The following RBFOX3 variants were observed in gnomAD, a reference collection of about 807,000 sequenced individuals.
RBFOX3 encodes RNA binding protein fox-1 homolog 3.
Under a neutral mutation model 48.7 loss-of-function variants are expected in RBFOX3, and 17 were observed. The observed-to-expected ratio is 0.35, with a 90% CI of 0.24 to 0.52. The LOEUF (loss-of-function observed/expected upper bound fraction) is 0.52. RBFOX3 is among the 20% of genes least tolerant of loss of function. The pLI is 0.94. For synonymous variants in RBFOX3, 212 were observed against 209.5 expected (o/e 1.01, Z -0.10); for missense variants, 382 against 497.5 (o/e 0.77, Z 2.21).
intron 2 of RBFOX3, among the ~76,000 whole-genome samples, chr17:79,384,521 G>A (rs2060326442): frequency 6.6e-6 from 1 of 152,208 alleles, no homozygotes. Flanking sequence ...GCCCCTCTCT[G>A]TGGTATCTGC....
At position 79,390,104 on chromosome 17, in the gene RBFOX3, T is replaced by C. The variant is rs1015590740; in HGVS notation, c.-174-82280A>G. On this transcript the variant is annotated intron_variant, in intron 2 of 14. Transcript: ENST00000693108. This position sits in a 1 kb window ranked among gnomAD's most constrained non-coding sequence, Gnocchi z 4.2. The stretch of plus-strand genomic sequence containing the variant: ...GGTCTCCGCAGCCTCCGGGTCTCCG[T>C]AGCCAGCCACCCGGCCGAGGGGCTG... Among the ~76,000 whole-genome samples, 4 of 150,432 alleles carry C rather than the reference T, an allele frequency of 2.7e-5. No homozygotes were observed. Among genetic ancestry groups the C allele is most frequent in the Non-Finnish European group, 6.0e-5 (4 of 67,010 alleles).
At chr17:79,219,658 C>T (rs2059474672) in intron 4 of RBFOX3, among the ~76,000 whole-genome samples, 2 of 152,130 alleles carry the variant, frequency 1.3e-5, no homozygotes, top group African/African-American at 4.8e-5. Context: ...GGGGCGCCTA[C>T]TCTCCCCAGG....
chr17:79,142,391 TTGAA>T (rs2042088973), intron 4 of RBFOX3, among the ~76,000 whole-genome samples: 1 of 152,166 alleles, frequency 6.6e-6, no homozygotes, highest in South Asian at 2.1e-4. Context: ...CAATTTTTAA[TTGAA>T]TGTATTCTTC....
the RBFOX3 span, among the ~76,000 whole-genome samples, chr17:79,640,683 C>T: frequency 5.3e-5 from 8 of 151,912 alleles, no homozygotes; most frequent in African/African-American, 1.9e-4. Flanking sequence ...AACAAGGGTG[C>T]CAAAAACACA....
chr17:79,337,767 C>T (rs1413506955), intron 2 of RBFOX3, among the ~76,000 whole-genome samples: 1 of 152,054 alleles, frequency 6.6e-6, no homozygotes, highest in African/African-American at 2.4e-5. Flanking sequence ...CAGAGCAAGA[C>T]CCAGTCTCAA....
intron 2 of RBFOX3, among the ~76,000 whole-genome samples, chr17:79,460,621 G>A (rs1259127093): frequency 6.6e-6 from 1 of 152,254 alleles, no homozygotes; most frequent in Admixed American, 6.5e-5. Context: ...GCCACAGGAT[G>A]TTGAGAAGTG....
chr17:79,532,572 C>T (rs2087967382), intron 1 of RBFOX3, among the ~76,000 whole-genome samples: 1 of 152,178 alleles, frequency 6.6e-6, no homozygotes, highest in Non-Finnish European at 1.5e-5. Context: ...GATGGAGGCC[C>T]ACACTCCAGA....
intron 1 of RBFOX3, among the ~76,000 whole-genome samples, chr17:79,590,094 C>T (rs1301453338): frequency 6.6e-6 from 1 of 152,054 alleles, no homozygotes; most frequent in Non-Finnish European, 1.5e-5. Context: ...GCTTCCTGTG[C>T]TGCTCAGTGT....
chr17:79,664,179 C>CTT, the RBFOX3 span, among the ~76,000 whole-genome samples: 3 of 145,754 alleles, frequency 2.1e-5, no homozygotes, highest in Admixed American at 6.8e-5. Flanking sequence ...CCATTCTTAC[C>CTT]TTTTTTTTTT....
intron 4 of RBFOX3, among the ~76,000 whole-genome samples, chr17:79,167,569 A>G (rs2048277154): frequency 6.6e-6 from 1 of 152,122 alleles, no homozygotes; most frequent in Non-Finnish European, 1.5e-5. Context: ...CAATTTACAG[A>G]TGAGGGCACT....
At chr17:79,619,144 T>G in the RBFOX3 span, among the ~76,000 whole-genome samples, 1 of 152,328 alleles carries the variant, frequency 6.6e-6, no homozygotes, top group Non-Finnish European at 1.5e-5. Flanking sequence ...ATTTTCCATT[T>G]GATTGTAAGC....
At position 79,199,657 on chromosome 17, in the gene RBFOX3, G is replaced by A. The variant is rs549852573; in HGVS notation, c.-34+36109C>T. Reference sequence around the variant, plus strand: ...TTTAATTAAACTCCAATAAAAGTGAGGCTCAGTCCCTTTGTTGCATGAGCT... The same window carrying A: ...TTTAATTAAACTCCAATAAAAGTGAAGCTCAGTCCCTTTGTTGCATGAGCT... On this transcript the variant is annotated intron_variant, in intron 4 of 14. Transcript: ENST00000693108. This position sits in a 1 kb window ranked among gnomAD's most constrained non-coding sequence, Gnocchi z 5.1. Among the ~76,000 whole-genome samples the A allele has an allele frequency of 5.3e-4, 80 of 152,292 alleles. No individual in the cohort carries two copies. Among genetic ancestry groups the A allele is most frequent in the Middle Eastern group, 6.8e-3 (2 of 294 alleles).
chr17:79,649,162 G>T, the RBFOX3 span, among the ~76,000 whole-genome samples: 11 of 151,840 alleles, frequency 7.2e-5, no homozygotes, highest in Non-Finnish European at 1.2e-4. Context: ...TTATTTTTTG[G>T]TGGAGATGGG....
In RBFOX3 at chr17:79,106,937, T is replaced by C. The variant is rs529249070; in HGVS notation, c.223-149A>G. 8 of 1,094,932 alleles carry C rather than the reference T, an allele frequency of 7.3e-6. No homozygotes were observed. The African/African-American group carries it at 1.3e-4, about 18-fold the overall frequency. The allele number at this position is 1,094,932 out of a possible 1,614,324, so 67.8% of individuals were successfully genotyped here. The stretch of plus-strand genomic sequence containing the variant: ...CCCTGGGCTGGGATCCTTGGCAGAA[T>C]CTGGGCAGACGGTTCCCATGAGATA... On this transcript the variant is annotated intron_variant, in intron 5 of 14. Coordinates refer to ENST00000693108, the MANE Select transcript of RBFOX3 (RefSeq NM_001350451.2).
intron 1 of RBFOX3, among the ~76,000 whole-genome samples, chr17:79,554,773 T>C (rs2091485783): frequency 6.6e-6 from 1 of 152,268 alleles, no homozygotes. Flanking sequence ...AATATTTGAA[T>C]ATTAATTCTA....
At chr17:79,349,476 C>T (rs1333585645) in intron 2 of RBFOX3, among the ~76,000 whole-genome samples, 1 of 152,076 alleles carries the variant, frequency 6.6e-6, no homozygotes, top group Non-Finnish European at 1.5e-5. Context: ...CCAACTCCTA[C>T]TCACCCTCCC....
rs2075345355 is a variant in RBFOX3 at position 79,096,746 on chromosome 17, C to T, written c.843G>A (p.Pro281=). 6 of 1,516,986 alleles carry T rather than the reference C, an allele frequency of 4.0e-6. No individual in the cohort carries two copies. The highest frequency in any genetic ancestry group is 1.7e-4 in the Middle Eastern group (1 of 5,934). 94.0% of individuals were successfully genotyped at this position (1,516,986 alleles called of 1,614,324 possible). ...CPLPPQQTPE[P]AYPTSPAFPP... The stretch of plus-strand genomic sequence containing the variant: ...GGAACGCTGGAGAGGTGGGGTAGGC[C>T]GGCTCCGGTGTCTGCTGAGGAGGGA... Residue 281 remains proline (P), a synonymous_variant, in exon 12 of 15, where the codon CCG becomes CCA. Coordinates refer to ENST00000693108, the MANE Select transcript of RBFOX3 (RefSeq NM_001350451.2).
At chr17:79,308,316 G>A (rs1326499842) in intron 2 of RBFOX3, among the ~76,000 whole-genome samples, 3 of 152,224 alleles carry the variant, frequency 2.0e-5, no homozygotes, top group South Asian at 2.1e-4. Context: ...AGCAGCCCTC[G>A]TGGTTTGTAC....
chr17:79,447,332 T>TCATCCATCCAGCCA (rs1555738913), intron 2 of RBFOX3, among the ~76,000 whole-genome samples: 1 of 152,180 alleles, frequency 6.6e-6, no homozygotes, highest in Non-Finnish European at 1.5e-5. Context: ...ATGTGCAGCC[T>TCATCCATCCAGCCA]CATCCATCCA....
Sources: gnomAD v4.1 joint callset for allele counts (sites outside exome capture counted in the v4.1 genomes callset) on GRCh38, gnomAD v4.1.1 for gene constraint, Gnocchi (gnomAD v3.1) non-coding constraint, MANE v1.5 for transcripts, NCBI Gene and HGNC (gene_info 2026-07-23, HGNC 2026-07-21) for gene names.